GRB14: variants seen among roughly 807,000 people sequenced by gnomAD.
GRB14 encodes the protein growth factor receptor bound protein 14.
Under a neutral mutation model 69.1 loss-of-function variants are expected in GRB14, and 38 were observed. The ratio of observed to expected loss-of-function variants is 0.55; its 90% CI spans 0.42 to 0.72. The LOEUF is 0.72. Among genes scored for constraint, GRB14 ranks in the 30% least tolerant of loss-of-function variants. GRB14 has a pLI of 0.00. For missense variants in GRB14, 666 were observed against 666.1 expected (o/e 1.00, Z 0.00); for synonymous variants, 247 against 241.3 (o/e 1.02, Z -0.22).
At chr2:164,600,924 A>C (rs1436877708) in intron 2 of GRB14, among the ~76,000 whole-genome samples, 2 of 152,072 alleles carry the variant, frequency 1.3e-5, no homozygotes, top group Non-Finnish European at 2.9e-5. Flanking sequence ...CAACAGCAGG[A>C]CCAGTCCATT....
rs746436754 is a variant in GRB14 at position 164,494,414 on chromosome 2, A to C, written c.1476+17T>G. On this transcript the variant is annotated intron_variant, in intron 13 of 13. Transcript: ENST00000263915. The stretch of plus-strand genomic sequence containing the variant: ...GGTCATTTCTAATACACAAATGTGA[A>C]ATCACGAATTACTTACTGGTATAAT... 4.7e-6 allele frequency: 6 copies of C among 1,280,144 alleles called. No homozygotes were observed. The highest frequency in any genetic ancestry group is 6.9e-6 in the Non-Finnish European group (6 of 875,792). 79.3% of individuals were successfully genotyped at this position (1,280,144 alleles called of 1,614,324 possible).
intron 3 of GRB14, among the ~76,000 whole-genome samples, chr2:164,544,143 C>A (rs1443439588): frequency 6.6e-6 from 1 of 152,152 alleles, no homozygotes; most frequent in Non-Finnish European, 1.5e-5. Flanking sequence ...GATTTTATTT[C>A]AGCAGTTTCC....
intron 3 of GRB14, among the ~76,000 whole-genome samples, chr2:164,536,754 A>T (rs1688089641): frequency 6.6e-6 from 1 of 152,202 alleles, no homozygotes; most frequent in South Asian, 2.1e-4. Flanking sequence ...AATTTATAAC[A>T]TTCTCCTTTT....
At chr2:164,499,510 T>A (rs182524430) in intron 9 of GRB14, among the ~76,000 whole-genome samples, 2 of 152,222 alleles carry the variant, frequency 1.3e-5, no homozygotes. Context: ...TTCTTTCACA[T>A]AGAAAAGCAA....
chr2:164,514,085 C>G (rs1218509522), intron 6 of GRB14, among the ~76,000 whole-genome samples: 2 of 152,166 alleles, frequency 1.3e-5, no homozygotes, highest in African/African-American at 4.8e-5. Flanking sequence ...AGCATGTAGA[C>G]AAATATATCT....
At chr2:164,517,275 G>A (rs142996108) in intron 6 of GRB14, among the ~76,000 whole-genome samples, 192 of 152,114 alleles carry the variant, frequency 1.3e-3, no homozygotes, top group African/African-American at 4.3e-3. Context: ...GGAATGACCT[G>A]CTCCCATGAT....
At chr2:164,561,410 T>C (rs1034825266) in intron 2 of GRB14, among the ~76,000 whole-genome samples, 7 of 152,214 alleles carry the variant, frequency 4.6e-5, no homozygotes, top group African/African-American at 1.2e-4. Context: ...TACAGTCCTG[T>C]TGAGCTCTAA....
chr2:164,567,496 C>T (rs951297373), intron 2 of GRB14, among the ~76,000 whole-genome samples: 6 of 152,042 alleles, frequency 3.9e-5, no homozygotes, highest in Admixed American at 6.6e-5. Flanking sequence ...CTAGTGTCAC[C>T]AAAACCATTT....
chr2:164,514,517 T>G (rs1047313190), intron 6 of GRB14, among the ~76,000 whole-genome samples: 4 of 151,768 alleles, frequency 2.6e-5, no homozygotes, highest in African/African-American at 9.7e-5. Context: ...AAATACAGGG[T>G]AGAAAAAGCA....
chr2:164,599,446 T>A (rs1290057229), intron 2 of GRB14, among the ~76,000 whole-genome samples: 1 of 152,160 alleles, frequency 6.6e-6, no homozygotes, highest in Admixed American at 6.5e-5. Flanking sequence ...GCAGTGACAC[T>A]CATTACTCTA....
chr2:164,514,460 G>A (rs1331154320), intron 6 of GRB14, among the ~76,000 whole-genome samples: 5 of 152,296 alleles, frequency 3.3e-5, no homozygotes, highest in African/African-American at 9.6e-5. Context: ...GATCACAGGA[G>A]AAGGATTTGA....
At chr2:164,508,643 G>C (rs1687255761) in intron 7 of GRB14, 93 bp from the exon 8 acceptor site, 2 of 1,431,796 alleles carry the variant, frequency 1.4e-6, no homozygotes, top group South Asian at 2.5e-5. Context: ...CTATATATAA[G>C]AGAAAGCTGT....
intron 3 of GRB14, among the ~76,000 whole-genome samples, chr2:164,529,189 A>G (rs1243512587): frequency 1.3e-5 from 2 of 152,218 alleles, no homozygotes; most frequent in African/African-American, 4.8e-5. Context: ...TTCCACTTAT[A>G]CAAGGTACCT....
At chr2:164,600,331 A>T (rs1344638278) in intron 2 of GRB14, among the ~76,000 whole-genome samples, 2 of 152,228 alleles carry the variant, frequency 1.3e-5, no homozygotes, top group African/African-American at 4.8e-5. Flanking sequence ...TACCTTTGAG[A>T]TGAAGCAAAC....
chr2:164,530,978 C>T (rs1687918962), intron 3 of GRB14, among the ~76,000 whole-genome samples: 1 of 152,078 alleles, frequency 6.6e-6, no homozygotes, highest in Non-Finnish European at 1.5e-5. Flanking sequence ...ATGCAGCTTA[C>T]ATTAGCATGG....
In GRB14 at chr2:164,548,386, A is replaced by ATG. The variant is rs141142342; in HGVS notation, c.325-572_325-571dup. 2.0e-3 allele frequency among the ~76,000 whole-genome samples: 307 copies of ATG among 150,832 alleles called. 6 individuals are homozygous for ATG. The East Asian group carries it at 0.039, about 19-fold the overall frequency. ...ATAGTATTTCATTGTGTGTATCTGT[A>ATG]TGTGTGTGTGTGTGTGTAATGCAAA... On this transcript the variant is annotated intron_variant, in intron 2 of 13. Transcript: ENST00000263915.
At chr2:164,606,013 G>A (rs573695077) in intron 2 of GRB14, among the ~76,000 whole-genome samples, 19 of 152,260 alleles carry the variant, frequency 1.2e-4, no homozygotes, top group Admixed American at 3.3e-4. Context: ...TATCTGAGGC[G>A]TATAATTTGT....
chr2:164,564,604 A>C (rs16849591), intron 2 of GRB14, among the ~76,000 whole-genome samples: 18,714 of 152,228 alleles, frequency 0.12, 1,361 homozygotes, highest in East Asian at 0.34. Flanking sequence ...ATGTCATTAA[A>C]AGTATCCCTT....
chr2:164,595,820 A>G (rs1217899073), intron 2 of GRB14, among the ~76,000 whole-genome samples: 1 of 152,174 alleles, frequency 6.6e-6, no homozygotes, highest in Non-Finnish European at 1.5e-5. Context: ...AAGATCATGA[A>G]TCTAATTAGA....
Sources: gnomAD v4.1 joint callset for allele counts (sites outside exome capture counted in the v4.1 genomes callset) on GRCh38, gnomAD v4.1.1 for gene constraint, MANE v1.5 for transcripts, NCBI Gene and HGNC (gene_info 2026-07-23, HGNC 2026-07-21) for gene names.